Variants in DLC1 observed in about 807,000 individuals in gnomAD.
The protein encoded by DLC1 is rho GTPase-activating protein 7.
A neutral mutation model predicts 140.3 loss-of-function variants in DLC1; 54 were observed. The ratio of observed to expected loss-of-function variants is 0.38; its 90% CI spans 0.31 to 0.48. The LOEUF (loss-of-function observed/expected upper bound fraction) is 0.48. Ranked by LOEUF, DLC1 falls within the 20% of genes least tolerant of loss-of-function variation. The pLI is 0.96. For synonymous variants in DLC1, 986 were observed against 728.1 expected, an observed-to-expected ratio of 1.35 and a Z score of -5.70; for missense variants, 2,536 against 1,907.0, an observed-to-expected ratio of 1.33 and a Z score of -6.14.
intron 4 of DLC1, among the ~76,000 whole-genome samples, chr8:13,351,767 A>G (rs1024600860): frequency 6.6e-6 from 1 of 152,262 alleles, no homozygotes; most frequent in Admixed American, 6.5e-5. Context: ...AAGAAAAATA[A>G]TAATTCCCTG....
intron 1 of DLC1, among the ~76,000 whole-genome samples, chr8:13,582,822 C>T (rs1805155094): frequency 7.6e-6 from 1 of 131,826 alleles, no homozygotes; most frequent in Non-Finnish European, 1.6e-5. Flanking sequence ...GTGAGTCATA[C>T]AATTTTTTTT....
intron 2 of DLC1, among the ~76,000 whole-genome samples, chr8:13,470,764 A>G (rs1384118171): frequency 6.6e-6 from 1 of 152,178 alleles, no homozygotes; most frequent in Non-Finnish European, 1.5e-5. Flanking sequence ...CAGCAATCCC[A>G]CTACTCTGTA....
At chr8:13,305,788 T>C (rs968284048) in intron 4 of DLC1, among the ~76,000 whole-genome samples, 3 of 152,190 alleles carry the variant, frequency 2.0e-5, no homozygotes, top group Admixed American at 2.0e-4. Context: ...CAGTGAGCTA[T>C]GATCGTGCTA....
chr8:13,225,656 C>T (rs1237993609), intron 5 of DLC1, among the ~76,000 whole-genome samples: 5 of 148,640 alleles, frequency 3.4e-5, no homozygotes, highest in Admixed American at 3.4e-4. Context: ...CACTCTGCTG[C>T]CAAGGCTGGA....
chr8:13,289,224 C>G (rs1326863538), intron 5 of DLC1, among the ~76,000 whole-genome samples: 1 of 152,018 alleles, frequency 6.6e-6, no homozygotes, highest in African/African-American at 2.4e-5. Flanking sequence ...TATTTAGAGA[C>G]ATTGTTTTGT....
At chr8:13,360,033 T>C (rs1386115901) in intron 4 of DLC1, among the ~76,000 whole-genome samples, 3 of 152,210 alleles carry the variant, frequency 2.0e-5, no homozygotes, top group Non-Finnish European at 4.4e-5. Flanking sequence ...ATAGTATTTA[T>C]AAAGCTTTCC....
chr8:13,299,984 T>A (rs1251738794), intron 5 of DLC1, among the ~76,000 whole-genome samples: 1 of 152,138 alleles, frequency 6.6e-6, no homozygotes, highest in Non-Finnish European at 1.5e-5. Flanking sequence ...CATGCACACA[T>A]ATGTTCATTG....
intron 5 of DLC1, among the ~76,000 whole-genome samples, chr8:13,199,810 G>A (rs1827277468): frequency 6.6e-6 from 1 of 152,084 alleles, no homozygotes; most frequent in South Asian, 2.1e-4. Context: ...CTCAAAGTCA[G>A]GCTCTGTCTA....
intron 2 of DLC1, among the ~76,000 whole-genome samples, chr8:13,427,724 T>C (rs879710666): frequency 3.9e-5 from 6 of 152,236 alleles, no homozygotes; most frequent in Non-Finnish European, 7.3e-5. Context: ...TATAGTCATA[T>C]ATGTCTATCT....
intron 5 of DLC1, among the ~76,000 whole-genome samples, chr8:13,126,913 C>T (rs2128959961): frequency 6.6e-6 from 1 of 152,270 alleles, no homozygotes; most frequent in South Asian, 2.1e-4. Flanking sequence ...AAACTGCTCA[C>T]CCATATTTTC....
intron 5 of DLC1, among the ~76,000 whole-genome samples, chr8:13,233,293 TAAAAAAAAAAAAA>T (rs71207134): frequency 3.8e-4 from 27 of 70,406 alleles, no homozygotes; most frequent in East Asian, 3.1e-3. Context: ...AGACTCTGTA[TAAAAAAAAAAAAA>T]AAAAAAAAAA....
intron 2 of DLC1, among the ~76,000 whole-genome samples, chr8:13,440,567 CTCTT>C (rs1202470019): frequency 6.6e-6 from 1 of 151,162 alleles, no homozygotes; most frequent in Non-Finnish European, 1.5e-5. Flanking sequence ...ACATCCAATT[CTCTT>C]TCTATGTAAC....
intron 5 of DLC1, among the ~76,000 whole-genome samples, chr8:13,275,969 T>A (rs144652199): frequency 6.6e-6 from 1 of 152,232 alleles, no homozygotes; most frequent in Non-Finnish European, 1.5e-5. Context: ...ACAAGGACCT[T>A]GCTTCTCTTT....
Position 13,110,900 on chromosome 8 carries a change from G to A in DLC1, c.1421-77C>T, listed in dbSNP as rs1019817218. Reference sequence around the variant, plus strand: ...CCAAATAGCCCAGTTTACCAAAGCAGGGATAAAACTCTTCAGCAATATACT... The same window carrying A: ...CCAAATAGCCCAGTTTACCAAAGCAAGGATAAAACTCTTCAGCAATATACT... On this transcript the variant is annotated intron_variant, in intron 6 of 17. Transcript: ENST00000276297. 4.6e-6 allele frequency: 6 copies of A among 1,306,580 alleles called. No homozygotes were observed. In the African/African-American group the frequency reaches 7.3e-5, roughly 16 times the overall value. 80.9% of individuals were successfully genotyped at this position (1,306,580 alleles called of 1,614,324 possible).
At chr8:13,107,224 T>C (rs111298058) in intron 7 of DLC1, among the ~76,000 whole-genome samples, 18 of 152,360 alleles carry the variant, frequency 1.2e-4, no homozygotes, top group African/African-American at 3.8e-4. Flanking sequence ...GACTATGTCA[T>C]TGTTCTCATA....
intron 5 of DLC1, among the ~76,000 whole-genome samples, chr8:13,218,222 C>T (rs1489583968): frequency 3.9e-5 from 6 of 151,978 alleles, no homozygotes; most frequent in Non-Finnish European, 5.9e-5. Flanking sequence ...TACCTTACAC[C>T]GTATACAAAA....
At chr8:13,415,520 C>G (rs1431956095) in intron 2 of DLC1, among the ~76,000 whole-genome samples, 2 of 151,824 alleles carry the variant, frequency 1.3e-5, no homozygotes, top group Non-Finnish European at 2.9e-5. Context: ...CTACCTCAGC[C>G]TACCTAGTAG....
At chr8:13,361,478 C>G (rs1835222452) in intron 4 of DLC1, among the ~76,000 whole-genome samples, 1 of 151,860 alleles carries the variant, frequency 6.6e-6, no homozygotes, top group South Asian at 2.1e-4. Flanking sequence ...GTTACTCAGG[C>G]TGGTCTTGCA....
At chr8:13,145,432 A>G (rs1419275249) in intron 5 of DLC1, among the ~76,000 whole-genome samples, 2 of 152,222 alleles carry the variant, frequency 1.3e-5, no homozygotes, top group Non-Finnish European at 1.5e-5. Flanking sequence ...TATTTCTCAT[A>G]GAAAGGTGTG....
Sources: allele counts gnomAD v4.1 joint callset (sites outside exome capture counted in the v4.1 genomes callset), GRCh38; gene constraint gnomAD v4.1.1; transcripts MANE v1.5; gene names NCBI Gene and HGNC (gene_info 2026-07-23, HGNC 2026-07-21).